Variants in LYAR observed in about 807,000 individuals in gnomAD.
LYAR encodes cell growth-regulating nucleolar protein.
Under a neutral mutation model 45.2 loss-of-function variants are expected in LYAR, and 37 were observed. That is an observed-to-expected ratio of 0.82 (90% CI 0.63 to 1.08). LYAR has a LOEUF of 1.08. LYAR is among the 50% of genes least tolerant of loss of function. The pLI is 0.00. For synonymous variants in LYAR, 176 were observed against 155.1 expected, an observed-to-expected ratio of 1.14 and a Z score of -1.00; for missense variants, 493 against 451.0, an observed-to-expected ratio of 1.09 and a Z score of -0.84.
intron 1 of LYAR, among the ~76,000 whole-genome samples, chr4:4,288,688 G>A (rs1331357412): frequency 6.6e-6 from 1 of 152,124 alleles, no homozygotes; most frequent in Non-Finnish European, 1.5e-5. Flanking sequence ...GTTTCACCAT[G>A]TTGGCCAGGC....
At chr4:4,281,741 A>G in intron 4 of LYAR, 42 bp downstream of exon 4, 1 of 1,423,074 alleles carries the variant, frequency 7.0e-7, no homozygotes. Flanking sequence ...AGAAAGCGGA[A>G]GCTGTCAGAG....
Position 4,274,403 on chromosome 4 carries a change from C to T in LYAR, c.796G>A (p.Val266Met), listed in dbSNP as rs752653540. The change falls in exon 7 of 10, where the codon GTG becomes ATG. Residue 266 changes from valine (V) to methionine (M), a missense_variant. Physicochemically the swap from Val to Met is conservative, Grantham distance 21. Coordinates refer to ENST00000343470, the MANE Select transcript of LYAR (RefSeq NM_017816.3). ...CTCCGCTTCCTCTTCCCTGCGCCCA[C>T]GCGTGCCTCTTCCTCACTGGCGCTG... is the stretch of plus-strand genomic sequence containing the variant. ...KDSASEEEAR[V>M]GAGKRKRRHS... 1.1e-5 allele frequency: 18 copies of T among 1,613,964 alleles called. No homozygotes were observed. The highest frequency in any genetic ancestry group is 6.7e-5 in the East Asian group (3 of 44,874).
intron 6 of LYAR, 53 bp from the exon 7 acceptor site, chr4:4,274,822 G>A: frequency 2.0e-6 from 3 of 1,506,774 alleles, no homozygotes; most frequent in South Asian, 1.3e-5. Context: ...TGTGTAAATA[G>A]AGTTGTCACG....
chr4:4,274,747 T>C lies in LYAR; in HGVS notation c.452A>G (p.Asp151Gly), dbSNP rs1719109873. ...TGCCACTGGGTGGAGTGGCCGTTGATCCTGTTCCTTATTGACTGGTTCCTT... is the reference window on the plus strand; with the variant it reads ...TGCCACTGGGTGGAGTGGCCGTTGACCCTGTTCCTTATTGACTGGTTCCTT... ...SNSEPVNKEQ[D>G]QRPLHPVANP... The change falls in exon 7 of 10, where the codon GAT (aspartate) becomes GGT (glycine). Residue 151 changes from aspartate (D) to glycine (G), a missense_variant. By Grantham distance (94) the Asp-to-Gly change is moderately conservative (BLOSUM62 -1). Coordinates refer to ENST00000343470, the MANE Select transcript of LYAR (RefSeq NM_017816.3). 6.2e-7 allele frequency: 1 copy of C among 1,604,252 alleles called. No individual in the cohort carries two copies. The highest frequency in any genetic ancestry group is 2.2e-5 in the East Asian group (1 of 44,850).
At chr4:4,285,811 TC>T (rs1221332524) in intron 2 of LYAR, among the ~76,000 whole-genome samples, 1 of 152,200 alleles carries the variant, frequency 6.6e-6, no homozygotes, top group Admixed American at 6.5e-5. Flanking sequence ...ATTGAGAGAT[TC>T]CTGTCCCAGC....
chr4:4,274,259 A>C (rs11723471), intron 7 of LYAR, 108 bp downstream of exon 7: 635,442 of 1,220,642 alleles, frequency 0.52, 174,407 homozygotes, highest in Middle Eastern at 0.6. Flanking sequence ...AAAAAAAAAA[A>C]CCACACACAC....
intron 9 of LYAR, 110 bp from the exon 10 acceptor site, chr4:4,268,133 G>A (rs1718787765): frequency 1.9e-6 from 2 of 1,069,624 alleles, no homozygotes; most frequent in Non-Finnish European, 2.5e-6. Context: ...AGAAACCCAG[G>A]AGCAAGCGAC....
chr4:4,274,010 G>C (rs1157354628), intron 7 of LYAR, among the ~76,000 whole-genome samples: 7 of 152,190 alleles, frequency 4.6e-5, no homozygotes, highest in Non-Finnish European at 1.0e-4. Flanking sequence ...GCCGAGGGGG[G>C]CGGATCACCA....
chr4:4,271,645 G>A (rs1358592778), intron 8 of LYAR, among the ~76,000 whole-genome samples: 7 of 152,146 alleles, frequency 4.6e-5, no homozygotes, highest in East Asian at 3.8e-4. Context: ...GTGCACCAGC[G>A]TTCCTTTTTC....
chr4:4,284,384 T>C (rs1261804476), intron 2 of LYAR, among the ~76,000 whole-genome samples: 1 of 152,190 alleles, frequency 6.6e-6, no homozygotes, highest in East Asian at 1.9e-4. Flanking sequence ...ATGGGCACAA[T>C]TTCTATGGCA....
chr4:4,286,925 A>G lies in LYAR; in HGVS notation c.-107-353T>C, dbSNP rs376908611. 5.9e-5 allele frequency among the ~76,000 whole-genome samples: 9 copies of G among 152,298 alleles called. No homozygotes were observed. In the East Asian group the frequency reaches 1.4e-3, roughly 23 times the overall value. On this transcript the variant is annotated intron_variant, in intron 1 of 9. Transcript: ENST00000343470. ...CTCGGCCTCCCAAAGTGCTGGGATT[A>G]CAGGCGTGAGCCACCGCGCCCGGCC...
chr4:4,272,632 T>C (rs1404995351), intron 8 of LYAR, among the ~76,000 whole-genome samples: 1 of 152,234 alleles, frequency 6.6e-6, no homozygotes, highest in Non-Finnish European at 1.5e-5. Flanking sequence ...GAAGAAGGCA[T>C]ACAGCAGGAC....
At chr4:4,274,309 C>A in intron 7 of LYAR, 58 bp downstream of exon 7, 1 of 1,555,544 alleles carries the variant, frequency 6.4e-7, no homozygotes. Context: ...TTAAATATCC[C>A]AAATTCACAG....
intron 1 of LYAR, among the ~76,000 whole-genome samples, chr4:4,288,843 A>T (rs958363265): frequency 6.6e-6 from 1 of 152,160 alleles, no homozygotes; most frequent in Admixed American, 6.5e-5. Context: ...ACACATCATT[A>T]CCACCACTAC....
chr4:4,273,441 G>C (rs1352339353), intron 8 of LYAR, 142 bp downstream of exon 8: 2 of 605,108 alleles, frequency 3.3e-6, no homozygotes, highest in Admixed American at 3.0e-5. Flanking sequence ...CTCGCTTTTT[G>C]AAAGTGGTAC....
intron 8 of LYAR, among the ~76,000 whole-genome samples, chr4:4,270,852 C>G (rs1718903430): frequency 6.6e-6 from 1 of 152,304 alleles, no homozygotes; most frequent in Non-Finnish European, 1.5e-5. Flanking sequence ...TGTACAGAGA[C>G]TCCTGAAACA....
chr4:4,281,933 T>C (rs1719411048), intron 3 of LYAR, 36 bp from the exon 4 acceptor site: 12 of 1,435,734 alleles, frequency 8.4e-6, no homozygotes, highest in South Asian at 1.1e-5. Flanking sequence ...ATTAGACTGA[T>C]ACCCAAGTTG....
At chr4:4,277,467 AGAGG>A (rs903109548) in intron 6 of LYAR, among the ~76,000 whole-genome samples, 5 of 152,132 alleles carry the variant, frequency 3.3e-5, no homozygotes, top group African/African-American at 7.2e-5. Flanking sequence ...CCACAGGGAG[AGAGG>A]GAGGGAGGCA....
At chr4:4,277,038 A>G (rs1719210231) in intron 6 of LYAR, among the ~76,000 whole-genome samples, 1 of 152,220 alleles carries the variant, frequency 6.6e-6, no homozygotes, top group South Asian at 2.1e-4. Context: ...ATCTTCTAGT[A>G]AAATATTATT....
Sources: allele counts gnomAD v4.1 joint callset (sites outside exome capture counted in the v4.1 genomes callset), GRCh38; gene constraint gnomAD v4.1.1; transcripts MANE v1.5; gene names NCBI Gene and HGNC (gene_info 2026-07-23, HGNC 2026-07-21).